PTRH1: variants seen among roughly 807,000 people sequenced by gnomAD.
PTRH1 encodes the protein peptidyl-tRNA hydrolase.
In PTRH1, 13 loss-of-function variants were observed where a neutral mutation model predicts 15.7. The observed-to-expected ratio is 0.83, with a 90% confidence interval of 0.54 to 1.31. The LOEUF is 1.31. Among genes scored for constraint, PTRH1 ranks in the 40% most tolerant of loss-of-function variants. The pLI, the probability that PTRH1 is intolerant of heterozygous loss-of-function variation, is 0.00. For missense variants in PTRH1, 319 were observed against 296.2 expected (o/e 1.08, Z -0.56); for synonymous variants, 139 against 136.7 (o/e 1.02, Z -0.12).
chr9:127,714,779 G>T, intron 2 of PTRH1, 77 bp from the exon 3 acceptor site: 2 of 1,264,740 alleles, frequency 1.6e-6, no homozygotes, highest in Admixed American at 3.9e-5. Context: ...CATGATGAGG[G>T]ACCACAACTA....
At chr9:127,697,528 G>A (rs1166582416) in intron 1 of PTRH1, among the ~76,000 whole-genome samples, 2 of 152,192 alleles carry the variant, frequency 1.3e-5, no homozygotes, top group African/African-American at 4.8e-5. Context: ...GAGCATGGTG[G>A]CTTGTGCCTG....
chr9:127,695,426 T>C (rs1268472797), intron 1 of PTRH1: 13 of 382,502 alleles, frequency 3.4e-5, no homozygotes, highest in Non-Finnish European at 5.6e-5. Flanking sequence ...GGAGGCTACA[T>C]GGGTAAACAG....
downstream of PTRH1, chr9:127,713,792 C>T (rs1210306024): frequency 1.3e-6 from 2 of 1,549,362 alleles, no homozygotes; most frequent in Non-Finnish European, 1.8e-6. Context: ...TAGGTGTGAG[C>T]CACTGCACCC....
chr9:127,701,372 G>A (rs1588383576), intron 1 of PTRH1, among the ~76,000 whole-genome samples: 1 of 152,064 alleles, frequency 6.6e-6, no homozygotes, highest in Non-Finnish European at 1.5e-5. Flanking sequence ...ACACACATGG[G>A]GCCACTCACT....
Position 127,715,373 on chromosome 9 carries a change from G to T in PTRH1, c.96+171C>A, listed in dbSNP as rs759804188. On this transcript the variant is annotated intron_variant, in intron 1 of 4. Coordinates refer to ENST00000543175, the MANE Select transcript of PTRH1 (RefSeq NM_001002913.3). This position sits in a 1 kb window ranked among gnomAD's most constrained non-coding sequence, Gnocchi z 5.8. ...AGAACTCCAGAAGGCTGGGCAGGCA[G>T]GGCGCCCTAGTGCAGGAACGGAGCT... 8.0e-7 allele frequency: 1 copy of T among 1,247,758 alleles called. No homozygotes were observed. Among genetic ancestry groups the T allele is most frequent in the South Asian group, 1.3e-5 (1 of 78,398 alleles). The allele number at this position is 1,247,758 out of a possible 1,614,324, so 77.3% of individuals were successfully genotyped here. A position where few individuals can be genotyped will look rare whatever the true frequency, so the allele number is the denominator to read the frequency against.
At chr9:127,699,086 T>G (rs564585262) in intron 1 of PTRH1, among the ~76,000 whole-genome samples, 1 of 152,286 alleles carries the variant, frequency 6.6e-6, no homozygotes, top group South Asian at 2.1e-4. Flanking sequence ...TTCACCATGT[T>G]TGCCAGACTG....
intron 2 of PTRH1, chr9:127,694,921 G>A (rs1255697367): frequency 1.4e-6 from 1 of 695,776 alleles, no homozygotes; most frequent in African/African-American, 1.7e-5. Flanking sequence ...TTCAGCATCA[G>A]CATACCTGGG....
chr9:127,712,020 G>C, downstream of PTRH1: 6 of 1,544,328 alleles, frequency 3.9e-6, no homozygotes, highest in South Asian at 4.9e-5. Context: ...AGCTCTTTCC[G>C]ATCCCACGAC....
At chr9:127,695,649 G>A (rs1842553506) in intron 1 of PTRH1, 1 of 152,596 alleles carries the variant, frequency 6.6e-6, no homozygotes, top group Non-Finnish European at 1.5e-5. Context: ...TAAATACAAA[G>A]GGCTGTAGAA....
chr9:127,713,968 A>G lies in PTRH1; in HGVS notation c.*132T>C, dbSNP rs1171252436. 1 of 1,581,384 alleles carries G rather than the reference A, an allele frequency of 6.3e-7. No individual in the cohort carries two copies. Among genetic ancestry groups the G allele is most frequent in the Non-Finnish European group, 8.7e-7 (1 of 1,150,808 alleles). ...TCCAGTCACAGTCACCCCCACTTTA[A>G]TCCGCAGGCAGCCTGGAACAGTCTA... is the stretch of plus-strand genomic sequence containing the variant. On this transcript the variant is annotated 3_prime_UTR_variant, in exon 5 of 5. Coordinates refer to ENST00000543175, the MANE Select transcript of PTRH1 (RefSeq NM_001002913.3).
At chr9:127,695,050 C>G (rs1006734035) in exon 2 of PTRH1, 7 of 677,098 alleles carry the variant, frequency 1.0e-5, no homozygotes, top group Non-Finnish European at 1.9e-5. Context: ...GAGGGCTCAG[C>G]CATTGATGAT....
At chr9:127,711,425 CT>C, downstream of PTRH1, 1 of 1,614,180 alleles carries the variant, frequency 6.2e-7, no homozygotes, top group South Asian at 1.1e-5. Context: ...ACAGAACAAT[CT>C]GTGCAAACAG....
At chr9:127,709,359 G>A, downstream of PTRH1, 2 of 1,552,394 alleles carry the variant, frequency 1.3e-6, no homozygotes, top group Non-Finnish European at 8.7e-7. This position sits in a 1 kb window ranked among gnomAD's most constrained non-coding sequence, Gnocchi z 4.7. Context: ...AGTGGGCCCA[G>A]CTGCACCAGA....
chr9:127,711,740 G>A, downstream of PTRH1: 1 of 1,480,110 alleles, frequency 6.8e-7, no homozygotes, highest in Admixed American at 2.1e-5. Context: ...CTCTGCATAG[G>A]GGAACACGGG....
chr9:127,709,490 C>A, downstream of PTRH1: 2 of 1,613,958 alleles, frequency 1.2e-6, no homozygotes, highest in Non-Finnish European at 1.7e-6. The surrounding 1 kb of genome is among the most constrained non-coding windows in gnomAD (Gnocchi z 4.7). Flanking sequence ...GAGCAGCTGG[C>A]CAATAACAAG....
At position 127,714,743 on chromosome 9, in the gene PTRH1, G is replaced by A. The variant is rs770538537; in HGVS notation, c.317-41C>T. ...CGGCAGCCCTGGTTACTGCCCATCT[G>A]CCCAGAGAGGCACTGTCCCGACTCC... On this transcript the variant is annotated intron_variant, in intron 2 of 4. Transcript: ENST00000543175. The A allele has an allele frequency of 7.9e-6, 12 of 1,510,920 alleles. No individual in the cohort carries two copies. In the East Asian group the frequency reaches 2.6e-4, roughly 33 times the overall value. 93.6% of individuals were successfully genotyped at this position (1,510,920 alleles called of 1,614,324 possible). A position where few individuals can be genotyped will look rare whatever the true frequency, so the allele number is the denominator to read the frequency against.
chr9:127,714,981 G>C lies in PTRH1; in HGVS notation c.310C>G (p.Arg104Gly), dbSNP rs1250906573. 1.6e-6 allele frequency: 1 copy of C among 621,198 alleles called. No individual in the cohort carries two copies. The highest frequency in any genetic ancestry group is 2.1e-6 in the Non-Finnish European group (1 of 475,120). 38.5% of individuals were successfully genotyped at this position (621,198 alleles called of 1,614,324 possible). A position where few individuals can be genotyped will look rare whatever the true frequency, so the allele number is the denominator to read the frequency against. ...CCTGGCGCTCTCAACTCACCAGCCC[G>C]GGCCACGCTGCGCCCGTTGGCGTTC... ...LMNANGRSVARAAELFGLTAE... is the reference protein window; with the variant it reads ...LMNANGRSVAGAAELFGLTAE... The change falls in exon 2 of 5, where the codon CGG (arginine) becomes GGG (glycine). Residue 104 changes from arginine (R) to glycine (G), a missense_variant. Transcript: ENST00000543175.
rs891733756 is a variant in PTRH1 at position 127,697,819 on chromosome 9, G to A, written c.206-2678C>T. Among the ~76,000 whole-genome samples, 20 of 152,236 alleles carry A rather than the reference G, an allele frequency of 1.3e-4. 1 individual carries two copies. Among genetic ancestry groups the A allele is most frequent in the Non-Finnish European group, 2.2e-4 (15 of 68,046 alleles). On this transcript the variant is annotated intron_variant, in intron 1 of 2. Transcript: ENST00000335223. Reference sequence around the variant, plus strand: ...CTGAGCAGAATTTGAGTCTCCTCCTGGAGGGAGCGCTGCCTCTTTATGAAG... The same window carrying A: ...CTGAGCAGAATTTGAGTCTCCTCCTAGAGGGAGCGCTGCCTCTTTATGAAG...
rs773635828 is a variant in PTRH1, at chr9:127,715,627, C to A, written c.13G>T (p.Gly5Cys). The change falls in exon 1 of 5, where the codon GGC (glycine) becomes TGC (cysteine). Residue 5 changes from glycine (G) to cysteine (C), a missense_variant. Gly to Cys is a radical substitution (Grantham distance 159, BLOSUM62 -3). Coordinates refer to ENST00000543175, the MANE Select transcript of PTRH1 (RefSeq NM_001002913.3). This position sits in a 1 kb window ranked among gnomAD's most constrained non-coding sequence, Gnocchi z 5.8. MRPG[G>C]FLGAGQRLSR... ...AGCCGCTGTCCGGCGCCCAAAAAGC[C>A]GCCCGGCCTCATGCTGCCCCCATTC... 75 of 1,612,268 alleles carry A rather than the reference C, an allele frequency of 4.7e-5. No individual in the cohort carries two copies. Among genetic ancestry groups the A allele is most frequent in the Non-Finnish European group, 6.2e-5 (73 of 1,179,942 alleles).
Sources: gnomAD v4.1 joint callset for allele counts (sites outside exome capture counted in the v4.1 genomes callset) on GRCh38, gnomAD v4.1.1 for gene constraint, Gnocchi (gnomAD v3.1) non-coding constraint, MANE v1.5 for transcripts, NCBI Gene and HGNC (gene_info 2026-07-23, HGNC 2026-07-21) for gene names.